Variants in ABI2 observed in about 807,000 individuals in gnomAD.
ABI2 encodes the protein abelson interactor 2.
A neutral mutation model predicts 59.2 loss-of-function variants in ABI2; 25 were observed. The ratio of observed to expected loss-of-function variants is 0.42; its 90% confidence interval spans 0.31 to 0.59. The LOEUF is 0.59. Ranked by LOEUF, ABI2 falls within the 20% of genes least tolerant of loss-of-function variation. ABI2 has a pLI of 0.14. For synonymous variants in ABI2, 213 were observed against 235.5 expected, an observed-to-expected ratio of 0.90 and a Z score of 0.87; for missense variants, 545 against 681.8, an observed-to-expected ratio of 0.80 and a Z score of 2.23.
At position 203,330,571 on chromosome 2, in the gene ABI2, G is replaced by T. The variant is rs563113053; in HGVS notation, c.117+1940G>T. On this transcript the variant is annotated intron_variant, in intron 1 of 11. Coordinates refer to ENST00000261018, the MANE Select transcript of ABI2 (RefSeq NM_001375670.1). The stretch of plus-strand genomic sequence containing the variant: ...TGTAGTGCACTGCTGGTACCAAGGA[G>T]GACTGGAGGAAGCAATGCTGTTCTG... Among the ~76,000 whole-genome samples the T allele has an allele frequency of 3.3e-5, 5 of 152,252 alleles. No individual in the cohort carries two copies. In the South Asian group the frequency reaches 1.0e-3, roughly 32 times the overall value.
intron 1 of ABI2, among the ~76,000 whole-genome samples, chr2:203,359,716 A>G (rs1271442121): frequency 6.6e-6 from 1 of 152,132 alleles, no homozygotes; most frequent in African/African-American, 2.4e-5. Context: ...AGAAGGGACA[A>G]ACAAGCTCCC....
chr2:203,423,304 C>T (rs2098293844), intron 11 of ABI2, among the ~76,000 whole-genome samples: 2 of 152,130 alleles, frequency 1.3e-5, no homozygotes, highest in Admixed American at 6.5e-5. Context: ...TTGTGTTAGG[C>T]GCTAGGGATA....
At chr2:203,346,199 C>A (rs1043732725) in intron 1 of ABI2, among the ~76,000 whole-genome samples, 1 of 151,850 alleles carries the variant, frequency 6.6e-6, no homozygotes, top group African/African-American at 2.4e-5. Context: ...AATAAGATTT[C>A]AGAATAGTAA....
At position 203,427,629 on chromosome 2, in the gene ABI2, C is replaced by A; in HGVS notation, c.*277C>A. The A allele has an allele frequency of 3.6e-6, 1 of 274,390 alleles. No individual in the cohort carries two copies. The highest frequency in any genetic ancestry group is 6.9e-6 in the Non-Finnish European group (1 of 144,080). 17.0% of individuals were successfully genotyped at this position (274,390 alleles called of 1,614,324 possible). ...AAGGTATAACAGCATAACTGTGTAG[C>A]CAAAACAAAATCAGATTAAGACTGA... On this transcript the variant is annotated 3_prime_UTR_variant, in exon 12 of 12. Transcript: ENST00000261018.
chr2:203,415,301 C>T (rs906837788), intron 10 of ABI2, among the ~76,000 whole-genome samples: 2 of 152,106 alleles, frequency 1.3e-5, no homozygotes, highest in Non-Finnish European at 2.9e-5. Flanking sequence ...GCTGCTCCCA[C>T]CAGGCATCAG....
At chr2:203,414,268 AT>A (rs1160759776) in intron 10 of ABI2, among the ~76,000 whole-genome samples, 1 of 151,770 alleles carries the variant, frequency 6.6e-6, no homozygotes, top group Non-Finnish European at 1.5e-5. Context: ...TGTGCGTCTA[AT>A]TTTTGTATTT....
chr2:203,338,574 A>T (rs1277961442), intron 1 of ABI2, among the ~76,000 whole-genome samples: 11 of 152,078 alleles, frequency 7.2e-5, no homozygotes, highest in Admixed American at 7.2e-4. Context: ...ACGTGCCAGC[A>T]CTGTGCTTTG....
At chr2:203,390,706 C>G (rs914519415) in intron 4 of ABI2, among the ~76,000 whole-genome samples, 6 of 151,862 alleles carry the variant, frequency 4.0e-5, no homozygotes, top group African/African-American at 1.4e-4. Flanking sequence ...TTGAGTTACT[C>G]TTTATTAAAA....
intron 8 of ABI2, among the ~76,000 whole-genome samples, chr2:203,397,243 C>T (rs1022899586): frequency 6.6e-6 from 1 of 151,980 alleles, no homozygotes; most frequent in Admixed American, 6.6e-5. Context: ...TAATATGGAG[C>T]TACCTTCTAT....
chr2:203,411,484 T>A lies in ABI2; in HGVS notation c.1279+113T>A. ...CTGATACTTCAACATTTCAATATTA[T>A]GAACAAATCACTGTCTGGCTAGTGG... On this transcript the variant is annotated intron_variant, in intron 10 of 11. Coordinates refer to ENST00000261018, the MANE Select transcript of ABI2 (RefSeq NM_001375670.1). 4.8e-6 allele frequency: 4 copies of A among 826,870 alleles called. No homozygotes were observed. The South Asian group carries it at 7.0e-5, about 15-fold the overall frequency. 51.2% of individuals were successfully genotyped at this position (826,870 alleles called of 1,614,324 possible).
At chr2:203,396,712 T>C (rs3731651) in intron 7 of ABI2, 73 bp from the exon 8 acceptor site, 28,690 of 1,415,356 alleles carry the variant, frequency 0.02, 736 homozygotes, top group East Asian at 0.087. Flanking sequence ...CATTAAATAC[T>C]CTAATACCTT....
At chr2:203,330,791 T>C (rs1216569928) in intron 1 of ABI2, among the ~76,000 whole-genome samples, 2 of 152,224 alleles carry the variant, frequency 1.3e-5, no homozygotes, top group East Asian at 1.9e-4. Flanking sequence ...TGATTTCTTA[T>C]TGTAATTTGA....
intron 8 of ABI2, among the ~76,000 whole-genome samples, chr2:203,400,625 T>G (rs1353958046): frequency 1.3e-5 from 2 of 152,216 alleles, no homozygotes; most frequent in African/African-American, 2.4e-5. Context: ...TAAGCTTGAG[T>G]GCTTAAGTTT....
chr2:203,360,184 CAAAAAAA>C (rs58857922), intron 1 of ABI2, among the ~76,000 whole-genome samples: 15 of 70,906 alleles, frequency 2.1e-4, no homozygotes, highest in African/African-American at 8.1e-4. Flanking sequence ...GACTCCATCT[CAAAAAAA>C]AAAAAAAAAA....
chr2:203,378,787 G>A (rs1225942247), intron 2 of ABI2, among the ~76,000 whole-genome samples: 2 of 152,096 alleles, frequency 1.3e-5, no homozygotes, highest in African/African-American at 4.8e-5. Context: ...GGAATTGGTG[G>A]TAAGAGATGT....
At chr2:203,402,055 G>C (rs2097246668) in intron 8 of ABI2, among the ~76,000 whole-genome samples, 1 of 152,082 alleles carries the variant, frequency 6.6e-6, no homozygotes, top group Non-Finnish European at 1.5e-5. Context: ...TTTATTTTGA[G>C]ACAGAGTCTC....
chr2:203,349,396 T>C (rs1202631364), intron 1 of ABI2, among the ~76,000 whole-genome samples: 3 of 152,106 alleles, frequency 2.0e-5, no homozygotes, highest in Non-Finnish European at 4.4e-5. Context: ...TGCCATGTTT[T>C]CCAGTGATAT....
At chr2:203,397,762 C>T (rs1199912810) in intron 8 of ABI2, among the ~76,000 whole-genome samples, 2 of 152,158 alleles carry the variant, frequency 1.3e-5, no homozygotes, top group Non-Finnish European at 2.9e-5. Context: ...GGGGAGGCCT[C>T]AGGAAACTTA....
intron 10 of ABI2, 31 bp downstream of exon 10, chr2:203,411,402 C>T: frequency 6.5e-7 from 1 of 1,537,220 alleles, no homozygotes; most frequent in South Asian, 1.1e-5. Context: ...TGCTGTAGAT[C>T]AGATTGTAGG....
Sources: gnomAD v4.1 joint callset for allele counts (sites outside exome capture counted in the v4.1 genomes callset) on GRCh38, gnomAD v4.1.1 for gene constraint, MANE v1.5 for transcripts, NCBI Gene and HGNC (gene_info 2026-07-23, HGNC 2026-07-21) for gene names.